Variants in TRARG1 observed in about 807,000 individuals in gnomAD.
TRARG1 encodes the protein trafficking regulator of GLUT4 (SLC2A4) 1 (gene/pseudogene), also known as trafficking regulator of GLUT4 1.
TRARG1 carries 16 observed loss-of-function variants against 13.3 expected under a neutral mutation model. The ratio of observed to expected loss-of-function variants is 1.20; its 90% CI spans 0.81 to 1.83. TRARG1 has a LOEUF of 1.83. TRARG1 is among the 40% of genes most tolerant of loss of function. The probability of loss-of-function intolerance (pLI) is 0.00; values close to 1 mark genes in which losing one functional copy is unlikely to be tolerated. For synonymous variants in TRARG1, 113 were observed against 106.2 expected (o/e 1.06, Z -0.39); for missense variants, 250 against 237.4 (o/e 1.05, Z -0.35).
rs940745820 is a variant in TRARG1 at position 1,298,360 on chromosome 17, C to A, written c.*96C>A. 1.5e-5 allele frequency: 20 copies of A among 1,373,096 alleles called. No homozygotes were observed. The highest frequency in any genetic ancestry group is 4.3e-5 in the African/African-American group (3 of 69,294). The allele number at this position is 1,373,096 out of a possible 1,614,324, so 85.1% of individuals were successfully genotyped here. ...GGAGGCCAGGGTGCTGACTGTCAAG[C>A]ATCCCCTGTCCCCAAGTTCCAAAAG... On this transcript the variant is annotated 3_prime_UTR_variant, in exon 3 of 3. Transcript: ENST00000333813.
chr17:1,280,934 G>A (rs1470981241), intron 1 of TRARG1, among the ~76,000 whole-genome samples: 1 of 152,226 alleles, frequency 6.6e-6, no homozygotes, highest in African/African-American at 2.4e-5. Context: ...GCACAAAGCG[G>A]GGAGAGCTGG....
chr17:1,290,386 C>A (rs2072061158), intron 1 of TRARG1, among the ~76,000 whole-genome samples: 1 of 152,194 alleles, frequency 6.6e-6, no homozygotes, highest in Admixed American at 6.6e-5. Context: ...GCCTCCGCCT[C>A]CCAGGCTCAA....
intron 2 of TRARG1, 85 bp downstream of exon 2, chr17:1,295,708 G>A (rs1716422237): frequency 6.8e-6 from 10 of 1,464,146 alleles, no homozygotes; most frequent in South Asian, 1.4e-5. Flanking sequence ...CAGGGGCAGA[G>A]GTGGTGGGTT....
intron 2 of TRARG1, among the ~76,000 whole-genome samples, chr17:1,296,326 A>G (rs528299311): frequency 6.6e-6 from 1 of 151,526 alleles, no homozygotes; most frequent in Admixed American, 6.6e-5. Context: ...CCTCCTGAGT[A>G]GCTGGGATTA....
rs1228041510 is a variant in TRARG1, at chr17:1,298,462, A to C, written c.*198A>C. The C allele has an allele frequency of 7.2e-6, 4 of 555,442 alleles. No homozygotes were observed. Among genetic ancestry groups the C allele is most frequent in the Non-Finnish European group, 1.3e-5 (4 of 319,972 alleles). The allele number at this position is 555,442 out of a possible 1,614,324, so 34.4% of individuals were successfully genotyped here. A position where few individuals can be genotyped will look rare whatever the true frequency, so the allele number is the denominator to read the frequency against. ...CAAGAAAGCCTGGAGCGAGGAAGGA[A>C]AGCACAGCGAACCCAATGGGTAACG... On this transcript the variant is annotated 3_prime_UTR_variant, in exon 3 of 3. Transcript: ENST00000333813.
At chr17:1,287,447 G>A (rs111822804) in intron 1 of TRARG1, among the ~76,000 whole-genome samples, 1,668 of 149,326 alleles carry the variant, frequency 0.011, 28 homozygotes, top group African/African-American at 0.039. Flanking sequence ...TGCAAGCTCC[G>A]CTTCCCAGGT....
At position 1,280,083 on chromosome 17, in the gene TRARG1, A is replaced by G. The variant is rs1191422406; in HGVS notation, c.82A>G (p.Ile28Val). 1.2e-6 allele frequency: 2 copies of G among 1,613,410 alleles called. No homozygotes were observed. The highest frequency in any genetic ancestry group is 1.7e-6 in the Non-Finnish European group (2 of 1,180,018). ...ATTCCTGGACCTGCCGGAGATGGAG[A>G]TACTCCTCACCAAGGCAGAGAACAA... ...AAFLDLPEME[I>V]LLTKAENKDD... is the part of the protein sequence containing the mutation. Residue 28 changes from isoleucine (I) to valine (V), a missense_variant, in exon 1 of 3, where the codon ATA becomes GTA. Transcript: ENST00000333813.
chr17:1,295,890 A>G (rs570984006), intron 2 of TRARG1, among the ~76,000 whole-genome samples: 1 of 152,354 alleles, frequency 6.6e-6, no homozygotes, highest in East Asian at 1.9e-4. Flanking sequence ...GAGTCAGAGG[A>G]CAGGAGCTCC....
chr17:1,299,991 AG>A lies in TRARG1; in HGVS notation c.*1732del. ...GCTAGAGGGCAGGGGTGCAGGGCTC[AG>A]GGGGCCCGGGCTGGTCCTTTGGGGC... On this transcript the variant is annotated 3_prime_UTR_variant, in exon 3 of 3. Transcript: ENST00000333813. 1 of 152,562 alleles carries A rather than the reference AG, an allele frequency of 6.6e-6. No homozygotes were observed. The highest frequency in any genetic ancestry group is 1.5e-5 in the Non-Finnish European group (1 of 68,264). 9.5% of individuals were successfully genotyped at this position (152,562 alleles called of 1,614,324 possible).
chr17:1,286,620 T>G, intron 1 of TRARG1, among the ~76,000 whole-genome samples: 1 of 63,118 alleles, frequency 1.6e-5, no homozygotes, highest in Non-Finnish European at 2.7e-5. Context: ...CTGTGGGGTG[T>G]TGTTTTCGGC....
intron 1 of TRARG1, among the ~76,000 whole-genome samples, chr17:1,284,747 C>T (rs1795613177): frequency 6.6e-6 from 1 of 152,054 alleles, no homozygotes; most frequent in Admixed American, 6.6e-5. Flanking sequence ...GTGGCGCAAT[C>T]TCAACTCACT....
At position 1,298,825 on chromosome 17, in the gene TRARG1, A is replaced by AC. The variant is rs2072132552; in HGVS notation, c.*563dup. On this transcript the variant is annotated 3_prime_UTR_variant, in exon 3 of 3. Transcript: ENST00000333813. ...GAGCTGTGCTCAGCACAGGCCTGGGACCTCCCCCGGCAGGCACCTGTGGGG... is the reference window on the plus strand; with the variant it reads ...GAGCTGTGCTCAGCACAGGCCTGGGACCCTCCCCCGGCAGGCACCTGTGGGG... 1 of 152,056 alleles carries AC rather than the reference A, an allele frequency of 6.6e-6. No individual in the cohort carries two copies. Among genetic ancestry groups the AC allele is most frequent in the African/African-American group, 2.4e-5 (1 of 41,214 alleles). 9.4% of individuals were successfully genotyped at this position (152,056 alleles called of 1,614,324 possible).
rs927640002 is a variant in TRARG1 at position 1,279,735 on chromosome 17, T to C, written c.-267T>C. ...TGTGCTCTCAGCAGCACCAGCAAAGTTGGCCTCAAACTTGAACAAAGCTGC... is the reference window on the plus strand; with the variant it reads ...TGTGCTCTCAGCAGCACCAGCAAAGCTGGCCTCAAACTTGAACAAAGCTGC... On this transcript the variant is annotated 5_prime_UTR_variant, in exon 1 of 3. Coordinates refer to ENST00000333813, the MANE Select transcript of TRARG1 (RefSeq NM_172367.3). The C allele has an allele frequency of 3.3e-5, 15 of 457,316 alleles. No individual in the cohort carries two copies. In the East Asian group the frequency reaches 5.3e-4, roughly 16 times the overall value. 28.3% of individuals were successfully genotyped at this position (457,316 alleles called of 1,614,324 possible). A position where few individuals can be genotyped will look rare whatever the true frequency, so the allele number is the denominator to read the frequency against.
intron 1 of TRARG1, among the ~76,000 whole-genome samples, chr17:1,291,500 C>T (rs1404109025): frequency 6.6e-6 from 1 of 152,228 alleles, no homozygotes; most frequent in Non-Finnish European, 1.5e-5. Context: ...ACCGCCCCTT[C>T]CGCCATGATT....
intron 2 of TRARG1, among the ~76,000 whole-genome samples, chr17:1,297,379 G>T (rs966821489): frequency 9.9e-5 from 15 of 152,166 alleles, no homozygotes; most frequent in South Asian, 2.1e-4. Flanking sequence ...GAAGCGTTCG[G>T]GTTTGGAATC....
intron 2 of TRARG1, among the ~76,000 whole-genome samples, chr17:1,297,387 A>C (rs979918945): frequency 1.3e-5 from 2 of 151,986 alleles, no homozygotes; most frequent in Non-Finnish European, 2.9e-5. Context: ...CGGGTTTGGA[A>C]TCAGCGTGCC....
At chr17:1,295,685 G>T in intron 2 of TRARG1, 62 bp downstream of exon 2, 1 of 1,525,042 alleles carries the variant, frequency 6.6e-7, no homozygotes, top group Non-Finnish European at 8.8e-7. Context: ...CTGCTCAAGG[G>T]TGTACCCAGC....
Position 1,279,825 on chromosome 17 carries a change from C to T in TRARG1, c.-177C>T. 1 of 660,212 alleles carries T rather than the reference C, an allele frequency of 1.5e-6. No individual in the cohort carries two copies. The allele number at this position is 660,212 out of a possible 1,614,324, so 40.9% of individuals were successfully genotyped here. Reference sequence around the variant, plus strand: ...GGCAGGCCCCAGCCTCTGAACTCAGCTGGCTTGAGAAGCTCAGCCCAACCC... The same window carrying T: ...GGCAGGCCCCAGCCTCTGAACTCAGTTGGCTTGAGAAGCTCAGCCCAACCC... On this transcript the variant is annotated 5_prime_UTR_variant, in exon 1 of 3. Transcript: ENST00000333813.
intron 1 of TRARG1, among the ~76,000 whole-genome samples, chr17:1,291,294 G>A (rs988057450): frequency 6.6e-6 from 1 of 152,056 alleles, no homozygotes; most frequent in Non-Finnish European, 1.5e-5. Flanking sequence ...TATTTTTAGT[G>A]GAGACAGGGT....
Sources: gnomAD v4.1 joint callset for allele counts (sites outside exome capture counted in the v4.1 genomes callset) on GRCh38, gnomAD v4.1.1 for gene constraint, MANE v1.5 for transcripts, NCBI Gene and HGNC (gene_info 2026-07-23, HGNC 2026-07-21) for gene names.